ARHGAP32: variants seen among roughly 807,000 people sequenced by gnomAD.
ARHGAP32 encodes Rho GTPase activating protein 32, also known as rho GTPase-activating protein 32.
In ARHGAP32, 51 loss-of-function variants were observed where a neutral mutation model predicts 186.5. That is an observed-to-expected ratio of 0.27 (90% CI 0.22 to 0.35). ARHGAP32 has a LOEUF of 0.35. ARHGAP32 is among the 10% of genes least tolerant of loss of function. The pLI, the probability that ARHGAP32 is intolerant of heterozygous loss-of-function variation, is 1.00. For synonymous variants in ARHGAP32, 950 were observed against 964.3 expected, an observed-to-expected ratio of 0.99 and a Z score of 0.27; for missense variants, 2,186 against 2,623.5, an observed-to-expected ratio of 0.83 and a Z score of 3.64.
At chr11:129,131,011 AATT>A (rs1440325531) in intron 2 of ARHGAP32, among the ~76,000 whole-genome samples, 2 of 152,208 alleles carry the variant, frequency 1.3e-5, no homozygotes, top group African/African-American at 4.8e-5. Context: ...ATCGAAAAAT[AATT>A]ATTAATATAT....
chr11:129,157,742 A>T (rs1317336976), intron 2 of ARHGAP32, among the ~76,000 whole-genome samples: 2 of 152,112 alleles, frequency 1.3e-5, no homozygotes, highest in Non-Finnish European at 2.9e-5. Flanking sequence ...CCACAAAGAT[A>T]CTCCTCGAGA....
At chr11:129,177,851 G>A (rs1406621410) in intron 1 of ARHGAP32, among the ~76,000 whole-genome samples, 2 of 152,136 alleles carry the variant, frequency 1.3e-5, no homozygotes, top group Non-Finnish European at 2.9e-5. Context: ...GGCAAAAACT[G>A]GAAGCATTCC....
chr11:128,969,721 T>C lies in ARHGAP32; in HGVS notation c.5492A>G (p.Lys1831Arg). The C allele has an allele frequency of 1.2e-6, 2 of 1,614,196 alleles. No homozygotes were observed. Among genetic ancestry groups the C allele is most frequent in the East Asian group, 2.2e-5 (1 of 44,894 alleles). The change falls in exon 23 of 23, where the codon AAG (lysine) becomes AGG (arginine). Residue 1831 changes from lysine (K) to arginine (R), a missense_variant. This residue lies in a region of ARHGAP32 where 1,502 missense variants were observed against 1,570.0 expected (regional missense o/e 0.96). Coordinates refer to ENST00000682385, the MANE Select transcript of ARHGAP32 (RefSeq NM_001378024.1). This position sits in a 1 kb window ranked among gnomAD's most constrained non-coding sequence, Gnocchi z 4.8. ...GTCCTCTCCCTCGGGACTGATGGCC[T>C]TGGCTGCATGGCGGCTCTCCTTTCC... is the stretch of plus-strand genomic sequence containing the variant. ...AEGKESRHAA[K>R]AISPEGEDRF...
chr11:129,234,313 T>C (rs1008695875), intron 1 of ARHGAP32, among the ~76,000 whole-genome samples: 5 of 152,092 alleles, frequency 3.3e-5, no homozygotes, highest in South Asian at 2.1e-4. Context: ...ATAATGTATA[T>C]ACTATAAAAA....
intron 1 of ARHGAP32, among the ~76,000 whole-genome samples, chr11:129,264,096 T>A (rs1945360498): frequency 6.6e-6 from 1 of 152,150 alleles, no homozygotes; most frequent in Admixed American, 6.5e-5. Context: ...ACAACATAGA[T>A]GAACCTTGAG....
chr11:129,046,817 T>C (rs1939825360), intron 10 of ARHGAP32, among the ~76,000 whole-genome samples: 1 of 152,000 alleles, frequency 6.6e-6, no homozygotes, highest in Non-Finnish European at 1.5e-5. Flanking sequence ...CATGTGCTTA[T>C]CGCTGACTTA....
At chr11:129,205,868 T>C (rs1944508740) in intron 1 of ARHGAP32, among the ~76,000 whole-genome samples, 2 of 152,166 alleles carry the variant, frequency 1.3e-5, no homozygotes, top group Admixed American at 1.3e-4. Context: ...TAGTATGTAC[T>C]CAAATATCAT....
intron 1 of ARHGAP32, among the ~76,000 whole-genome samples, chr11:129,264,515 A>C (rs1037805384): frequency 6.6e-6 from 1 of 152,188 alleles, no homozygotes; most frequent in Non-Finnish European, 1.5e-5. Flanking sequence ...TAACAATTAA[A>C]CAGTTAGCAA....
At position 129,160,741 on chromosome 11, in the gene ARHGAP32, T is replaced by C. The variant is rs541303331; in HGVS notation, c.225+3578A>G. 5.9e-5 allele frequency among the ~76,000 whole-genome samples: 9 copies of C among 152,230 alleles called. No homozygotes were observed. In the South Asian group the frequency reaches 1.9e-3, roughly 32 times the overall value. On this transcript the variant is annotated intron_variant, in intron 2 of 22. Coordinates refer to ENST00000682385, the MANE Select transcript of ARHGAP32 (RefSeq NM_001378024.1). The stretch of plus-strand genomic sequence containing the variant: ...AAAATGGCCATACTGCCCAAGGTAA[T>C]TTATAGATTCAATGCTATCCTCATC...
chr11:129,249,828 G>A (rs960854679), intron 1 of ARHGAP32, among the ~76,000 whole-genome samples: 1 of 152,022 alleles, frequency 6.6e-6, no homozygotes, highest in East Asian at 1.9e-4. Flanking sequence ...ACTAGAAACA[G>A]CAATGCTGGT....
chr11:129,100,922 G>A (rs1431919718), intron 5 of ARHGAP32, among the ~76,000 whole-genome samples: 1 of 152,190 alleles, frequency 6.6e-6, no homozygotes, highest in African/African-American at 2.4e-5. Context: ...GCACTCTGCT[G>A]CAGCTGCTGT....
chr11:129,236,411 G>A (rs2135652402), intron 1 of ARHGAP32, among the ~76,000 whole-genome samples: 1 of 152,138 alleles, frequency 6.6e-6, no homozygotes, highest in Non-Finnish European at 1.5e-5. Context: ...ACTTTTTTGT[G>A]GGATTGTTTG....
At chr11:129,125,932 A>G (rs1362319084) in intron 2 of ARHGAP32, 3 of 441,048 alleles carry the variant, frequency 6.8e-6, no homozygotes, top group African/African-American at 4.1e-5. Context: ...TAGTAATGAA[A>G]CAGAACTCAT....
At chr11:129,177,157 A>T (rs1406567719) in intron 1 of ARHGAP32, among the ~76,000 whole-genome samples, 1 of 152,060 alleles carries the variant, frequency 6.6e-6, no homozygotes, top group East Asian at 1.9e-4. Context: ...TACTACAAAC[A>T]CCTCTACGCA....
rs1321712590 is a variant in ARHGAP32, at chr11:128,969,079, G to C, written c.6134C>G (p.Ser2045Cys). ...SQYDNLEDYHSLPQHQRGVFG... is the reference protein window; with the variant it reads ...SQYDNLEDYHCLPQHQRGVFG... Reference sequence around the variant, plus strand: ...GACTCCTCGCTGGTGCTGAGGCAGGGAGTGGTAATCTTCCAGGTTATCATA... The same window carrying C: ...GACTCCTCGCTGGTGCTGAGGCAGGCAGTGGTAATCTTCCAGGTTATCATA... Residue 2045 changes from serine to cysteine, a missense_variant, in exon 23 of 23, where the codon TCC (serine) becomes TGC (cysteine). Transcript: ENST00000682385. This position sits in a 1 kb window ranked among gnomAD's most constrained non-coding sequence, Gnocchi z 4.8. 6.2e-7 allele frequency: 1 copy of C among 1,610,186 alleles called. No individual in the cohort carries two copies. The highest frequency in any genetic ancestry group is 8.5e-7 in the Non-Finnish European group (1 of 1,177,412).
chr11:129,133,980 T>C (rs1942879057), intron 2 of ARHGAP32, among the ~76,000 whole-genome samples: 1 of 152,206 alleles, frequency 6.6e-6, no homozygotes, highest in Non-Finnish European at 1.5e-5. Flanking sequence ...AACATAACGA[T>C]GGTAGATAAG....
intron 2 of ARHGAP32, among the ~76,000 whole-genome samples, chr11:129,129,473 C>T (rs1455070000): frequency 6.6e-6 from 1 of 151,838 alleles, no homozygotes; most frequent in Non-Finnish European, 1.5e-5. Flanking sequence ...CGCCTCTGCC[C>T]GGCCGCCCCG....
Position 128,978,770 on chromosome 11 carries a change from C to A in ARHGAP32, c.2122G>T (p.Gly708Cys). ...AAGTGAGAATCTCCCAGGCACTCAC[C>A]TTTCAGAGCCATGGCTTTCATCTCT... ...PSEMKAMALK[G>C]GRAEGTLRSA... is the part of the protein sequence containing the mutation. The change falls in exon 19 of 23, where the codon GGT becomes TGT. Residue 708 changes from glycine to cysteine, a missense_variant and splice_region_variant. Physicochemically the swap from Gly to Cys is radical, Grantham distance 159 (BLOSUM62 -3). Transcript: ENST00000682385. 6.2e-7 allele frequency: 1 copy of A among 1,606,328 alleles called. No individual in the cohort carries two copies. The highest frequency in any genetic ancestry group is 1.3e-5 in the African/African-American group (1 of 74,274).
Position 128,966,178 on chromosome 11 carries a change from G to A in ARHGAP32, c.*2729C>T, listed in dbSNP as rs375809472. ...GAATTTTGCCAAAAAGATAAAATCT[G>A]GAGGCATGGCTATGAAAATGTCAAT... On this transcript the variant is annotated 3_prime_UTR_variant, in exon 23 of 23. Transcript: ENST00000682385. The A allele has an allele frequency of 1.4e-4, 21 of 152,328 alleles. No individual in the cohort carries two copies. Among genetic ancestry groups the A allele is most frequent in the Non-Finnish European group, 2.2e-4 (15 of 68,034 alleles). The allele number at this position is 152,328 out of a possible 1,614,324, so 9.4% of individuals were successfully genotyped here.
Sources: allele counts gnomAD v4.1 joint callset (sites outside exome capture counted in the v4.1 genomes callset), GRCh38; gene constraint gnomAD v4.1.1; regional missense constraint gnomAD v4.1.1; non-coding constraint Gnocchi (gnomAD v3.1); transcripts MANE v1.5; gene names NCBI Gene and HGNC (gene_info 2026-07-23, HGNC 2026-07-21).